Variants in DGKB observed in about 807,000 individuals in gnomAD.
DGKB encodes the protein 90 kDa diacylglycerol kinase.
A neutral mutation model predicts 114.3 loss-of-function variants in DGKB; 67 were observed. That is an observed-to-expected ratio of 0.59 (90% confidence interval 0.48 to 0.72). DGKB has a LOEUF of 0.72. Among genes scored for constraint, DGKB ranks in the 30% least tolerant of loss-of-function variants. DGKB has a pLI of 0.00. For synonymous variants in DGKB, 398 were observed against 323.1 expected (o/e 1.23, Z -2.49); for missense variants, 907 against 975.2 (o/e 0.93, Z 0.93).
At chr7:14,701,592 T>G in intron 7 of DGKB, 89 bp downstream of exon 7, 1 of 930,726 alleles carries the variant, frequency 1.1e-6, no homozygotes, top group Non-Finnish European at 1.8e-6. Context: ...TAAGTGTGCC[T>G]TCTGTGGTAA....
chr7:14,734,428 CAGG>C (rs1293856357), intron 5 of DGKB, among the ~76,000 whole-genome samples: 2 of 152,074 alleles, frequency 1.3e-5, no homozygotes, highest in Non-Finnish European at 1.5e-5. Flanking sequence ...GAGCTCCTTG[CAGG>C]AGATTTTTAA....
chr7:14,194,810 GT>G (rs1296734412), intron 23 of DGKB, among the ~76,000 whole-genome samples: 1 of 151,968 alleles, frequency 6.6e-6, no homozygotes, highest in Non-Finnish European at 1.5e-5. Context: ...CTATAACTTT[GT>G]TTTTATGCTA....
At chr7:14,303,732 T>C (rs2128492162) in intron 23 of DGKB, among the ~76,000 whole-genome samples, 1 of 152,260 alleles carries the variant, frequency 6.6e-6, no homozygotes, top group South Asian at 2.1e-4. Context: ...CCACCTGTGC[T>C]GCAACATTCA....
intron 1 of DGKB, among the ~76,000 whole-genome samples, chr7:14,899,025 C>T (rs1023946636): frequency 1.3e-5 from 2 of 152,060 alleles, no homozygotes; most frequent in Non-Finnish European, 2.9e-5. Flanking sequence ...TGAGAAAGAC[C>T]AATCTTAAAA....
chr7:14,506,599 C>A (rs1787108586), intron 20 of DGKB, among the ~76,000 whole-genome samples: 1 of 152,052 alleles, frequency 6.6e-6, no homozygotes, highest in Non-Finnish European at 1.5e-5. Context: ...ATTCACAAAA[C>A]AAAGATGTGC....
intron 20 of DGKB, among the ~76,000 whole-genome samples, chr7:14,523,628 ATTATC>A (rs1410371072): frequency 1.3e-5 from 2 of 152,148 alleles, no homozygotes; most frequent in Admixed American, 6.6e-5. Flanking sequence ...ATAGTCATAT[ATTATC>A]TTGTTTGGAA....
At chr7:14,274,070 TAGG>T (rs1798646629) in intron 23 of DGKB, among the ~76,000 whole-genome samples, 1 of 152,210 alleles carries the variant, frequency 6.6e-6, no homozygotes, top group African/African-American at 2.4e-5. Context: ...CTTTGGCTAA[TAGG>T]AGTTCATAAG....
chr7:14,190,334 G>A (rs75675300), intron 23 of DGKB, among the ~76,000 whole-genome samples: 3 of 152,156 alleles, frequency 2.0e-5, no homozygotes, highest in Non-Finnish European at 4.4e-5. Context: ...AAATTTTCTT[G>A]AGACAAATGA....
In DGKB at chr7:14,857,257, T is replaced by TG. The variant is rs1404076740; in HGVS notation, c.-187-15808_-187-15807insC. On this transcript the variant is annotated intron_variant, in intron 1 of 25. Coordinates refer to ENST00000402815, the MANE Select transcript of DGKB (RefSeq NM_001350709.2). ...TCCACCCAACCCCCTGCTGTGTGTG[T>TG]TTGTGTGTGTGTGTGTGTGTGTTGC... Among the ~76,000 whole-genome samples the TG allele has an allele frequency of 2.2e-3, 294 of 134,904 alleles. 2 individuals carry two copies. The highest frequency in any genetic ancestry group is 7.1e-3 in the African/African-American group (262 of 37,100). 88.5% of individuals were successfully genotyped at this position (134,904 alleles called of 152,430 possible). A position where few individuals can be genotyped will look rare whatever the true frequency, so the allele number is the denominator to read the frequency against.
chr7:14,325,952 T>A (rs1340407097), intron 23 of DGKB, among the ~76,000 whole-genome samples: 1 of 152,138 alleles, frequency 6.6e-6, no homozygotes, highest in African/African-American at 2.4e-5. Flanking sequence ...TAATCATTGT[T>A]TAAAATGTAT....
intron 20 of DGKB, among the ~76,000 whole-genome samples, chr7:14,517,199 G>A (rs764822000): frequency 2.0e-5 from 3 of 151,930 alleles, no homozygotes; most frequent in Middle Eastern, 3.2e-3. Flanking sequence ...AAAAACAAGC[G>A]ATAGGGAAAG....
At chr7:14,531,252 A>G (rs1461088440) in intron 20 of DGKB, among the ~76,000 whole-genome samples, 2 of 151,118 alleles carry the variant, frequency 1.3e-5, no homozygotes, top group African/African-American at 4.8e-5. Flanking sequence ...GAAAGAGAAG[A>G]AAAAAAACAA....
At position 14,176,698 on chromosome 7, in the gene DGKB, C is replaced by G. The variant is rs1485428546; in HGVS notation, c.2304+141G>C. ...CAACCTAAATGTAGTGGCTCTGACA[C>G]ACACATAACAACAACAACAAAAAGA... On this transcript the variant is annotated intron_variant, in intron 25 of 25. Transcript: ENST00000402815. The G allele has an allele frequency of 7.4e-6, 11 of 1,481,254 alleles. No homozygotes were observed. In the South Asian group the frequency reaches 9.8e-5, roughly 13 times the overall value. 91.8% of individuals were successfully genotyped at this position (1,481,254 alleles called of 1,614,324 possible).
At chr7:14,930,000 C>T (rs892137357) in intron 1 of DGKB, among the ~76,000 whole-genome samples, 1 of 152,024 alleles carries the variant, frequency 6.6e-6, no homozygotes, top group Admixed American at 6.6e-5. Flanking sequence ...AATATGTGTT[C>T]TTGTCAGCTT....
intron 2 of DGKB, among the ~76,000 whole-genome samples, chr7:14,783,774 G>T (rs1839460609): frequency 6.6e-6 from 1 of 152,198 alleles, no homozygotes; most frequent in Non-Finnish European, 1.5e-5. Flanking sequence ...TTTATTTTCA[G>T]ATGAGAGAAC....
At position 14,484,254 on chromosome 7, in the gene DGKB, G is replaced by A. The variant is rs555350161; in HGVS notation, c.1771-6029C>T. 8.3e-4 allele frequency among the ~76,000 whole-genome samples: 127 copies of A among 152,208 alleles called. 1 individual carries two copies. Among genetic ancestry groups the A allele is most frequent in the South Asian group, 2.3e-3 (11 of 4,824 alleles). On this transcript the variant is annotated intron_variant, in intron 20 of 25. Transcript: ENST00000402815. ...AAAGTTGACACACAACAACCAAACA[G>A]TAAAACTCTAGAGGTAAAAATTGTT...
chr7:14,413,203 G>GA (rs926985504), intron 21 of DGKB, among the ~76,000 whole-genome samples: 3 of 151,926 alleles, frequency 2.0e-5, no homozygotes, highest in African/African-American at 7.3e-5. Flanking sequence ...ACATGAGAAT[G>GA]AAAAAAACAA....
chr7:14,784,957 A>G (rs1007397457), intron 2 of DGKB, among the ~76,000 whole-genome samples: 1 of 152,036 alleles, frequency 6.6e-6, no homozygotes, highest in African/African-American at 2.4e-5. Context: ...CTGGTCTCTC[A>G]TTCTTTTATG....
chr7:14,911,861 C>T (rs1784022705), intron 1 of DGKB, among the ~76,000 whole-genome samples: 1 of 152,170 alleles, frequency 6.6e-6, no homozygotes, highest in South Asian at 2.1e-4. Context: ...TATAGAGTTT[C>T]TAACTTTGTT....
Sources: allele counts gnomAD v4.1 joint callset (sites outside exome capture counted in the v4.1 genomes callset), GRCh38; gene constraint gnomAD v4.1.1; transcripts MANE v1.5; gene names NCBI Gene and HGNC (gene_info 2026-07-23, HGNC 2026-07-21).